CCNT2: variants seen among roughly 807,000 people sequenced by gnomAD.
CCNT2 encodes the protein cyclin T2.
Under a neutral mutation model 70.0 loss-of-function variants are expected in CCNT2, and 18 were observed. That is an observed-to-expected ratio of 0.26 (90% CI 0.18 to 0.38). The LOEUF (loss-of-function observed/expected upper bound fraction) is 0.38. CCNT2 is among the 10% of genes least tolerant of loss of function. The probability of loss-of-function intolerance (pLI) is 1.00; values close to 1 mark genes in which losing one functional copy is unlikely to be tolerated. For synonymous variants in CCNT2, 334 were observed against 313.3 expected (o/e 1.07, Z -0.70); for missense variants, 734 against 890.2 (o/e 0.82, Z 2.23).
At chr2:134,925,815 T>C (rs988758624) in intron 2 of CCNT2, among the ~76,000 whole-genome samples, 21 of 151,770 alleles carry the variant, frequency 1.4e-4, no homozygotes, top group Admixed American at 6.6e-5. Flanking sequence ...CTGGATCATA[T>C]GGTAACTCTA....
At chr2:134,938,728 CTG>C (rs1306092767) in intron 3 of CCNT2, among the ~76,000 whole-genome samples, 1 of 152,208 alleles carries the variant, frequency 6.6e-6, no homozygotes, top group Non-Finnish European at 1.5e-5. Context: ...ACTTTACAGA[CTG>C]TGCACATCTC....
chr2:134,943,074 G>A, intron 5 of CCNT2: 1 of 985,246 alleles, frequency 1.0e-6, no homozygotes, highest in Non-Finnish European at 1.2e-6. Context: ...GAATTTTGAG[G>A]CCAACCTCAG....
At chr2:134,952,773 C>A in intron 8 of CCNT2, 62 bp downstream of exon 8, 5 of 1,188,682 alleles carry the variant, frequency 4.2e-6, no homozygotes, top group Non-Finnish European at 6.2e-6. Flanking sequence ...ACATAGCTAA[C>A]CAGTTTGAAT....
At chr2:134,927,852 A>G (rs539618238) in intron 2 of CCNT2, among the ~76,000 whole-genome samples, 74 of 152,290 alleles carry the variant, frequency 4.9e-4, no homozygotes, top group African/African-American at 1.5e-3. Flanking sequence ...TTAACCTAAT[A>G]TTTTACCCCT....
chr2:134,925,502 A>G (rs1377900912), intron 2 of CCNT2, among the ~76,000 whole-genome samples: 1 of 152,118 alleles, frequency 6.6e-6, no homozygotes, highest in Non-Finnish European at 1.5e-5. Flanking sequence ...TAGACATTTC[A>G]TTAATGGAAT....
At chr2:134,935,462 T>C (rs2105045349) in intron 2 of CCNT2, among the ~76,000 whole-genome samples, 1 of 152,326 alleles carries the variant, frequency 6.6e-6, no homozygotes, top group Admixed American at 6.5e-5. Flanking sequence ...ACTGAAAGGA[T>C]CCACTGTCCC....
rs377180297 is a variant in CCNT2 at position 134,953,452 on chromosome 2, A to T, written c.997A>T (p.Met333Leu). 1 of 1,613,672 alleles carries T rather than the reference A, an allele frequency of 6.2e-7. No individual in the cohort carries two copies. Among genetic ancestry groups the T allele is most frequent in the African/African-American group, 1.3e-5 (1 of 74,894 alleles). The change falls in exon 9 of 9, where the codon ATG becomes TTG. Residue 333 changes from methionine (M) to leucine (L), a missense_variant. By Grantham distance (15) the Met-to-Leu change is conservative. This residue lies in a region of CCNT2 where 532 missense variants were observed against 556.9 expected (regional missense o/e 0.96). Transcript: ENST00000264157. The part of the protein sequence containing the change: ...QDSHTSDNLS[M>L]LATGMPSTSY... The stretch of plus-strand genomic sequence containing the variant: ...CAGCCATACATCTGATAATTTGTCA[A>T]TGCTAGCAACAGGAATGCCAAGTAC...
chr2:134,936,780 A>T, intron 2 of CCNT2, 61 bp from the exon 3 acceptor site: 1 of 1,486,798 alleles, frequency 6.7e-7, no homozygotes, highest in Non-Finnish European at 9.1e-7. Context: ...AAGAAAAGAA[A>T]ATAGAGGGTT....
At chr2:134,919,071 T>A in intron 1 of CCNT2, 59 bp downstream of exon 1, 1 of 1,508,714 alleles carries the variant, frequency 6.6e-7, no homozygotes, top group Non-Finnish European at 8.9e-7. Context: ...TCGCCGGGCC[T>A]GGTGCCCCGC....
intron 8 of CCNT2, 53 bp downstream of exon 8, chr2:134,952,764 C>T: frequency 8.1e-7 from 1 of 1,231,618 alleles, no homozygotes; most frequent in Non-Finnish European, 1.2e-6. Flanking sequence ...GTAACATTTA[C>T]ATAGCTAACC....
chr2:134,925,024 T>A (rs1180777751), intron 2 of CCNT2, among the ~76,000 whole-genome samples: 1 of 152,262 alleles, frequency 6.6e-6, no homozygotes, highest in East Asian at 1.9e-4. Flanking sequence ...CCTGGAAAAA[T>A]TGATGATTAG....
intron 2 of CCNT2, among the ~76,000 whole-genome samples, chr2:134,923,744 G>A (rs1057399786): frequency 3.3e-5 from 5 of 152,308 alleles, no homozygotes; most frequent in African/African-American, 9.6e-5. Flanking sequence ...GGAAGCAGAC[G>A]CAGTTACCAA....
Position 134,953,864 on chromosome 2 carries a change from C to T in CCNT2, c.1409C>T (p.Ser470Leu). 3.1e-6 allele frequency: 5 copies of T among 1,614,056 alleles called. No homozygotes were observed. The highest frequency in any genetic ancestry group is 2.2e-5 in the South Asian group (2 of 91,068). The change falls in exon 9 of 9, where the codon TCA becomes TTA. Residue 470 changes from serine (S) to leucine (L), a missense_variant. Transcript: ENST00000264157. ...QVEQQHKQGQSQAASSSSVTS... is the reference protein window; with the variant it reads ...QVEQQHKQGQLQAASSSSVTS... ...GAACAGCAGCACAAACAAGGGCAGT[C>T]ACAGGCAGCCAGCAGCAGTTCTGTT...
chr2:134,918,865 G>C lies in CCNT2; in HGVS notation c.11G>C (p.Gly4Ala). 1 of 1,613,502 alleles carries C rather than the reference G, an allele frequency of 6.2e-7. No homozygotes were observed. Among genetic ancestry groups the C allele is most frequent in the Admixed American group, 1.7e-5 (1 of 59,980 alleles). Residue 4 changes from glycine (G) to alanine (A), a missense_variant, in exon 1 of 9, where the codon GGC becomes GCC. This residue lies in a region of CCNT2 where 41 missense variants were observed against 29.5 expected (regional missense o/e 1.39). Transcript: ENST00000264157. The part of the protein sequence containing the change: MAS[G>A]RGASSRWFFT... Reference sequence around the variant, plus strand: ...GGAGGAGGAAGTGTCATGGCGTCGGGCCGTGGAGCTTCTTCTCGCTGGTTC... The same window carrying C: ...GGAGGAGGAAGTGTCATGGCGTCGGCCCGTGGAGCTTCTTCTCGCTGGTTC...
rs150690024 is a variant in CCNT2 at position 134,949,802 on chromosome 2, C to CGGGG, written c.703+1910_703+1913dup. Among the ~76,000 whole-genome samples the CGGGG allele has an allele frequency of 6.0e-3, 295 of 48,792 alleles. 1 individual carries two copies. Among genetic ancestry groups the CGGGG allele is most frequent in the Middle Eastern group, 0.019 (2 of 104 alleles). The allele number at this position is 48,792 out of a possible 152,430, so 32.0% of individuals were successfully genotyped here. A position where few individuals can be genotyped will look rare whatever the true frequency, so the allele number is the denominator to read the frequency against. On this transcript the variant is annotated intron_variant, in intron 7 of 8. Transcript: ENST00000264157. ...GATTAGGTAGGCAAAATTTTTTTTT[C>CGGGG]GGGGGGGGGGTGGGGGACAGAGTCT...
rs536648387 is a variant in CCNT2 at position 134,919,398 on chromosome 2, T to C, written c.158+386T>C. ...GGTTAGCGATGCTGAAAGGCCTAAG[T>C]GTTTGCCGCAGCCTTTCCCGGCTCT... On this transcript the variant is annotated intron_variant, in intron 1 of 8. Transcript: ENST00000264157. Among the ~76,000 whole-genome samples, 410 of 152,248 alleles carry C rather than the reference T, an allele frequency of 2.7e-3. 3 individuals are homozygous for C. Among genetic ancestry groups the C allele is most frequent in the African/African-American group, 8.4e-3 (350 of 41,528 alleles).
At chr2:134,920,487 A>G (rs1245573794) in intron 2 of CCNT2, 1 of 152,230 alleles carries the variant, frequency 6.6e-6, no homozygotes, top group African/African-American at 2.4e-5. Flanking sequence ...ATGTTTATGT[A>G]TTATTAGTAA....
intron 2 of CCNT2, among the ~76,000 whole-genome samples, chr2:134,925,616 T>C (rs1680236716): frequency 6.6e-6 from 1 of 152,212 alleles, no homozygotes; most frequent in Non-Finnish European, 1.5e-5. Flanking sequence ...CTTTTCTTGC[T>C]GTACTACCCA....
chr2:134,919,657 C>A (rs1303708987), intron 1 of CCNT2, among the ~76,000 whole-genome samples, 153 bp from the exon 2 acceptor site: 1 of 152,076 alleles, frequency 6.6e-6, no homozygotes, highest in Admixed American at 6.6e-5. Flanking sequence ...TTCCTGCCGC[C>A]CCACCCCCCG....
Sources: gnomAD v4.1 joint callset for allele counts (sites outside exome capture counted in the v4.1 genomes callset) on GRCh38, gnomAD v4.1.1 for gene constraint, gnomAD v4.1.1 regional missense constraint, MANE v1.5 for transcripts, NCBI Gene and HGNC (gene_info 2026-07-23, HGNC 2026-07-21) for gene names.